The following ATP2C1 variants were observed in gnomAD, a reference collection of about 807,000 sequenced individuals.
The protein encoded by ATP2C1 is ATPase secretory pathway Ca2+ transporting 1.
In ATP2C1, 31 loss-of-function variants were observed where a neutral mutation model predicts 120.5. The observed-to-expected ratio is 0.26, with a 90% CI of 0.19 to 0.35. ATP2C1 has a LOEUF of 0.35. ATP2C1 is among the 10% of genes least tolerant of loss of function. The pLI is 1.00. For synonymous variants in ATP2C1, 351 were observed against 358.7 expected (o/e 0.98, Z 0.24); for missense variants, 731 against 1,107.5 (o/e 0.66, Z 4.83).
At chr3:130,936,815 T>C (rs1576789561) in intron 5 of ATP2C1, among the ~76,000 whole-genome samples, 1 of 38,102 alleles carries the variant, frequency 2.6e-5, no homozygotes, top group Non-Finnish European at 7.3e-5. Context: ...AGACTCTGTC[T>C]CAAAAAAAAA....
chr3:130,875,968 G>GT (rs199515476), intron 1 of ATP2C1, among the ~76,000 whole-genome samples: 2,112 of 150,298 alleles, frequency 0.014, 30 homozygotes, highest in East Asian at 0.077. Context: ...AAATATTTGA[G>GT]TTTTTTTTGG....
chr3:130,892,218 G>A (rs1386064067), upstream of ATP2C1, among the ~76,000 whole-genome samples: 1 of 152,256 alleles, frequency 6.6e-6, no homozygotes, highest in East Asian at 1.9e-4. Context: ...ACCAAATTCT[G>A]TACAGTTACC....
At chr3:130,986,647 T>C (rs1377972305) in intron 20 of ATP2C1, among the ~76,000 whole-genome samples, 3 of 152,244 alleles carry the variant, frequency 2.0e-5, no homozygotes, top group Non-Finnish European at 2.9e-5. Context: ...AAATTCATCC[T>C]ACTTTAAAGT....
intron 7 of ATP2C1, 114 bp downstream of exon 7, chr3:130,940,805 T>A: frequency 1.2e-6 from 1 of 841,458 alleles, no homozygotes; most frequent in Non-Finnish European, 2.0e-6. Context: ...AAGATACTAT[T>A]AATCTGACAC....
rs2062952029 is a variant in ATP2C1, at chr3:131,002,793, A to G, written c.*1443A>G. ...TGTTAGCACTGAAATATTGTCATTGATAGGGAAAATATCTATTCTTTGAGT... is the reference window on the plus strand; with the variant it reads ...TGTTAGCACTGAAATATTGTCATTGGTAGGGAAAATATCTATTCTTTGAGT... On this transcript the variant is annotated 3_prime_UTR_variant, in exon 28 of 28. Coordinates refer to ENST00000510168, the MANE Select transcript of ATP2C1 (RefSeq NM_001378687.1). 1.0e-6 allele frequency: 1 copy of G among 985,494 alleles called. No individual in the cohort carries two copies. The allele number at this position is 985,494 out of a possible 1,614,324, so 61.0% of individuals were successfully genotyped here. A position where few individuals can be genotyped will look rare whatever the true frequency, so the allele number is the denominator to read the frequency against.
At position 130,989,021 on chromosome 3, in the gene ATP2C1, G is replaced by T. The variant is rs969842866; in HGVS notation, c.1840-3930G>T. Among the ~76,000 whole-genome samples, 6 of 152,108 alleles carry T rather than the reference G, an allele frequency of 3.9e-5. No homozygotes were observed. In the East Asian group the frequency reaches 1.2e-3, roughly 29 times the overall value. On this transcript the variant is annotated intron_variant, in intron 20 of 27. Transcript: ENST00000510168. ...TAATTCCAGCACTTTGGGAGGCCGA[G>T]GCTGGTGGATCATAAGGTCAGGAGT...
chr3:130,983,105 TATAG>T (rs1177981365), intron 20 of ATP2C1, among the ~76,000 whole-genome samples: 3 of 152,146 alleles, frequency 2.0e-5, no homozygotes, highest in Admixed American at 1.3e-4. Context: ...CATATATATA[TATAG>T]AGAGAGAGAG....
intron 1 of ATP2C1, among the ~76,000 whole-genome samples, chr3:130,864,047 G>T (rs1013545037): frequency 6.6e-6 from 1 of 152,170 alleles, no homozygotes; most frequent in Non-Finnish European, 1.5e-5. Flanking sequence ...CAGTTTGGAG[G>T]GTTCAGAAGA....
At chr3:130,925,977 A>G (rs899150833) in intron 2 of ATP2C1, among the ~76,000 whole-genome samples, 1 of 152,096 alleles carries the variant, frequency 6.6e-6, no homozygotes, top group Non-Finnish European at 1.5e-5. Flanking sequence ...CACTTCCATC[A>G]TGCCTCCCCA....
chr3:130,993,706 A>C (rs1249447996), intron 21 of ATP2C1, among the ~76,000 whole-genome samples: 2 of 152,230 alleles, frequency 1.3e-5, no homozygotes, highest in East Asian at 3.9e-4. Context: ...TGAAGAACAG[A>C]ATTTAGAGAT....
At chr3:130,893,743 C>A (rs1301480663), upstream of ATP2C1, among the ~76,000 whole-genome samples, 2 of 152,146 alleles carry the variant, frequency 1.3e-5, no homozygotes, top group Non-Finnish European at 1.5e-5. Context: ...CGACACGGGG[C>A]GTGGGCGAAT....
intron 2 of ATP2C1, among the ~76,000 whole-genome samples, chr3:130,908,270 C>T (rs1177658762): frequency 6.6e-6 from 1 of 152,050 alleles, no homozygotes; most frequent in African/African-American, 2.4e-5. Context: ...AGGATGTTTA[C>T]TGCAGCAACA....
intron 1 of ATP2C1, among the ~76,000 whole-genome samples, chr3:130,861,047 A>G (rs2067998016): frequency 1.3e-5 from 2 of 152,212 alleles, no homozygotes; most frequent in South Asian, 4.1e-4. Context: ...AGGTGGGTGG[A>G]TCAGTTGAGG....
chr3:130,941,115 C>T (rs1263440116), intron 7 of ATP2C1, among the ~76,000 whole-genome samples: 1 of 151,788 alleles, frequency 6.6e-6, no homozygotes, highest in East Asian at 1.9e-4. Flanking sequence ...CAGGTTTCAC[C>T]ATGTTAGCCA....
intron 11 of ATP2C1, among the ~76,000 whole-genome samples, chr3:130,957,423 T>G (rs542963353): frequency 1.6e-4 from 24 of 152,054 alleles, no homozygotes; most frequent in Non-Finnish European, 3.4e-4. Context: ...CCAGTCTTTA[T>G]TCATTGGATT....
At position 130,967,191 on chromosome 3, in the gene ATP2C1, G is replaced by T. The variant is rs763076909; in HGVS notation, c.1169G>T (p.Gly390Val). Residue 390 changes from glycine to valine, a missense_variant, in exon 15 of 28, where the codon GGT becomes GTT. Physicochemically the swap from Gly to Val is moderately radical, Grantham distance 109. Coordinates refer to ENST00000510168, the MANE Select transcript of ATP2C1 (RefSeq NM_001378687.1). Reference sequence around the variant, plus strand: ...CAATTTGGGGAAGTGATTGTTGATGGTGATGTTGTTCATGGATTCTATAAC... The same window carrying T: ...CAATTTGGGGAAGTGATTGTTGATGTTGATGTTGTTCATGGATTCTATAAC... ...YNQFGEVIVD[G>V]DVVHGFYNPA... The T allele has an allele frequency of 1.9e-6, 3 of 1,613,836 alleles. No homozygotes were observed. Among genetic ancestry groups the T allele is most frequent in the East Asian group, 2.2e-5 (1 of 44,858 alleles).
intron 7 of ATP2C1, among the ~76,000 whole-genome samples, chr3:130,940,933 T>TTA (rs1384737363): frequency 6.9e-6 from 1 of 144,176 alleles, no homozygotes; most frequent in East Asian, 2.0e-4. Flanking sequence ...TTTTTTTTTT[T>TTA]AGATGGAGTC....
chr3:130,876,856 G>GT (rs2068621101), intron 1 of ATP2C1, among the ~76,000 whole-genome samples: 1 of 151,770 alleles, frequency 6.6e-6, no homozygotes, highest in Non-Finnish European at 1.5e-5. Flanking sequence ...ATTACTAGGG[G>GT]TTTTTTGTAG....
At chr3:130,899,817 C>T (rs994266738) in intron 2 of ATP2C1, among the ~76,000 whole-genome samples, 3 of 151,910 alleles carry the variant, frequency 2.0e-5, no homozygotes, top group Non-Finnish European at 2.9e-5. Flanking sequence ...TTAAGATGGC[C>T]GTAACTGGGT....
Sources: gnomAD v4.1 joint callset for allele counts (sites outside exome capture counted in the v4.1 genomes callset) on GRCh38, gnomAD v4.1.1 for gene constraint, MANE v1.5 for transcripts, NCBI Gene and HGNC (gene_info 2026-07-23, HGNC 2026-07-21) for gene names.